The following PTPRD variants were observed in gnomAD, a reference collection of about 807,000 sequenced individuals.
PTPRD encodes the protein receptor-type tyrosine-protein phosphatase delta.
A neutral mutation model predicts 214.5 loss-of-function variants in PTPRD; 34 were observed. The observed-to-expected ratio is 0.16, with a 90% CI of 0.12 to 0.21. The LOEUF (loss-of-function observed/expected upper bound fraction) is 0.21, where lower values mean the gene tolerates loss of function less well. PTPRD is among the 10% of genes least tolerant of loss of function. The pLI is 1.00. For synonymous variants in PTPRD, 1,128 were observed against 845.7 expected (o/e 1.33, Z -5.79); for missense variants, 2,545 against 2,398.7 (o/e 1.06, Z -1.27).
chr9:8,571,185 CA>C (rs1370893208), intron 14 of PTPRD, among the ~76,000 whole-genome samples: 1 of 152,044 alleles, frequency 6.6e-6, no homozygotes, highest in East Asian at 1.9e-4. Flanking sequence ...TTGTCATTAG[CA>C]AACTTCTCTT....
chr9:8,759,688 C>T (rs1006373118), intron 11 of PTPRD, among the ~76,000 whole-genome samples: 1 of 151,400 alleles, frequency 6.6e-6, no homozygotes, highest in Non-Finnish European at 1.5e-5. Context: ...TCACTCCATC[C>T]TGCTGCTCAT....
chr9:9,962,264 G>T lies in PTPRD; in HGVS notation c.-471-23654C>A, dbSNP rs1015371204. Among the ~76,000 whole-genome samples the T allele has an allele frequency of 3.2e-4, 49 of 151,990 alleles. 1 individual carries two copies. The highest frequency in any genetic ancestry group is 1.2e-3 in the African/African-American group (48 of 41,486). On this transcript the variant is annotated intron_variant, in intron 4 of 45. Transcript: ENST00000381196. The stretch of plus-strand genomic sequence containing the variant: ...AGAAAGAAAAGCATGCTAAGTTTGA[G>T]GTTCATTTTAAGACAACCAAATTGA...
chr9:8,595,670 A>G (rs919151313), intron 14 of PTPRD, among the ~76,000 whole-genome samples: 3 of 152,324 alleles, frequency 2.0e-5, no homozygotes, highest in African/African-American at 7.2e-5. Flanking sequence ...AGTGCATCGA[A>G]AAGTTAGTTT....
At chr9:8,513,522 C>A (rs937129971) in intron 21 of PTPRD, among the ~76,000 whole-genome samples, 1 of 152,002 alleles carries the variant, frequency 6.6e-6, no homozygotes, top group Non-Finnish European at 1.5e-5. Context: ...CAGAAGACAT[C>A]AAAATGTACA....
At chr9:10,065,158 A>AGAAC in intron 3 of PTPRD, among the ~76,000 whole-genome samples, 1 of 149,496 alleles carries the variant, frequency 6.7e-6, no homozygotes, top group Non-Finnish European at 1.5e-5. Context: ...AAAGAAAGAA[A>AGAAC]GAAAGAAAGA....
chr9:9,950,790 A>T (rs1196538955), intron 4 of PTPRD, among the ~76,000 whole-genome samples: 1 of 146,440 alleles, frequency 6.8e-6, no homozygotes, highest in African/African-American at 2.4e-5. Context: ...ACTATCTTTT[A>T]TACCCCTGAA....
chr9:9,920,338 G>A (rs1479544476), intron 5 of PTPRD, among the ~76,000 whole-genome samples: 1 of 152,064 alleles, frequency 6.6e-6, no homozygotes, highest in Non-Finnish European at 1.5e-5. Context: ...CAAAATTACT[G>A]CTAAAAGGTA....
intron 9 of PTPRD, among the ~76,000 whole-genome samples, chr9:9,241,671 G>T (rs974987902): frequency 1.3e-5 from 2 of 151,720 alleles, no homozygotes; most frequent in African/African-American, 4.8e-5. Flanking sequence ...TGCAACCCCT[G>T]CCTTTTTTTG....
intron 11 of PTPRD, among the ~76,000 whole-genome samples, chr9:8,911,922 A>C (rs952464229): frequency 1.3e-5 from 2 of 152,196 alleles, no homozygotes; most frequent in Non-Finnish European, 2.9e-5. Context: ...TTCGTTAGTC[A>C]TTAGATAAAT....
At chr9:9,893,853 C>G (rs969195383) in intron 5 of PTPRD, among the ~76,000 whole-genome samples, 1 of 152,090 alleles carries the variant, frequency 6.6e-6, no homozygotes, top group African/African-American at 2.4e-5. Flanking sequence ...CAAGATCTTT[C>G]CCTATTGCCC....
At chr9:10,049,441 A>AAAGAAAAG (rs1555515325) in intron 3 of PTPRD, among the ~76,000 whole-genome samples, 1,951 of 110,886 alleles carry the variant, frequency 0.018, 15 homozygotes, top group Non-Finnish European at 0.022. Context: ...GAAAGAAAAG[A>AAAGAAAAG]AAAAAAAAAA....
intron 14 of PTPRD, among the ~76,000 whole-genome samples, chr9:8,534,730 G>C (rs950126199): frequency 5.3e-5 from 8 of 151,662 alleles, no homozygotes; most frequent in African/African-American, 1.9e-4. Flanking sequence ...AGTGTTCTAT[G>C]CAGCAGAAAG....
At chr9:9,382,774 A>G (rs748668326) in intron 9 of PTPRD, among the ~76,000 whole-genome samples, 2 of 152,058 alleles carry the variant, frequency 1.3e-5, no homozygotes, top group Non-Finnish European at 2.9e-5. Context: ...AATAAAACTT[A>G]TCATATGATT....
rs139158431 is a variant in PTPRD at position 9,531,242 on chromosome 9, C to G, written c.-237+43490G>C. ...GAATGCTACTCAGCACTAAAAAGGA[C>G]TGCCTTACTTACGGGTTCATATGAC... On this transcript the variant is annotated intron_variant, in intron 8 of 45. Coordinates refer to ENST00000381196, the MANE Select transcript of PTPRD (RefSeq NM_002839.4). Among the ~76,000 whole-genome samples, 20 of 152,180 alleles carry G rather than the reference C, an allele frequency of 1.3e-4. No homozygotes were observed. The East Asian group carries it at 3.7e-3, about 28-fold the overall frequency.
At chr9:9,787,420 T>TAAAAAAAAA (rs34947415) in intron 5 of PTPRD, among the ~76,000 whole-genome samples, 1 of 131,432 alleles carries the variant, frequency 7.6e-6, no homozygotes, top group African/African-American at 2.7e-5. Context: ...GTCAACTATG[T>TAAAAAAAAA]AAAAAAAAAA....
At chr9:9,622,877 C>A (rs1287433471) in intron 7 of PTPRD, among the ~76,000 whole-genome samples, 1 of 152,116 alleles carries the variant, frequency 6.6e-6, no homozygotes, top group Non-Finnish European at 1.5e-5. Flanking sequence ...GGAAAAGATT[C>A]TAAAATCTCA....
chr9:9,043,629 C>T (rs913902858), intron 10 of PTPRD, among the ~76,000 whole-genome samples: 25 of 152,068 alleles, frequency 1.6e-4, no homozygotes, highest in African/African-American at 6.0e-4. Context: ...CTAGGCTGGG[C>T]ACAGTGGCTC....
At chr9:8,798,081 C>G (rs558806377) in intron 11 of PTPRD, among the ~76,000 whole-genome samples, 4 of 152,152 alleles carry the variant, frequency 2.6e-5, no homozygotes, top group Admixed American at 2.6e-4. Context: ...ACCCTATATG[C>G]TTTATAGAAT....
chr9:8,773,334 C>T (rs1424625524), intron 11 of PTPRD, among the ~76,000 whole-genome samples: 1 of 152,164 alleles, frequency 6.6e-6, no homozygotes, highest in East Asian at 1.9e-4. Flanking sequence ...AGACACTCGG[C>T]CCCATCTTCC....
Sources: gnomAD v4.1 joint callset for allele counts (sites outside exome capture counted in the v4.1 genomes callset) on GRCh38, gnomAD v4.1.1 for gene constraint, MANE v1.5 for transcripts, NCBI Gene and HGNC (gene_info 2026-07-23, HGNC 2026-07-21) for gene names.